The following PTPRD variants were observed in gnomAD, a reference collection of about 807,000 sequenced individuals.
The protein encoded by PTPRD is receptor-type tyrosine-protein phosphatase delta.
A neutral mutation model predicts 214.5 loss-of-function variants in PTPRD; 34 were observed. That is an observed-to-expected ratio of 0.16 (90% CI 0.12 to 0.21). The LOEUF (loss-of-function observed/expected upper bound fraction) is 0.21. PTPRD is among the 10% of genes least tolerant of loss of function. PTPRD has a pLI of 1.00. For synonymous variants in PTPRD, 1,128 were observed against 845.7 expected (o/e 1.33, Z -5.79); for missense variants, 2,545 against 2,398.7 (o/e 1.06, Z -1.27).
At chr9:8,883,298 G>C (rs989705000) in intron 11 of PTPRD, among the ~76,000 whole-genome samples, 1 of 152,192 alleles carries the variant, frequency 6.6e-6, no homozygotes, top group South Asian at 2.1e-4. Flanking sequence ...GAAAGCTATA[G>C]AATATTTTCA....
intron 7 of PTPRD, among the ~76,000 whole-genome samples, chr9:9,627,103 C>G (rs768055683): frequency 6.6e-6 from 1 of 152,152 alleles, no homozygotes; most frequent in Non-Finnish European, 1.5e-5. Flanking sequence ...CACTTGAGGT[C>G]AGGAGTTCGA....
At chr9:8,516,459 T>C (rs145969904) in intron 21 of PTPRD, among the ~76,000 whole-genome samples, 14 of 152,276 alleles carry the variant, frequency 9.2e-5, no homozygotes, top group African/African-American at 3.4e-4. Flanking sequence ...ACTATTAATA[T>C]AAATGTGCTC....
At position 9,964,638 on chromosome 9, in the gene PTPRD, A is replaced by G. The variant is rs116067835; in HGVS notation, c.-471-26028T>C. On this transcript the variant is annotated intron_variant, in intron 4 of 45. Transcript: ENST00000381196. ...AGGTTTGATTTTCTTTTTAGTTTATAAAGTTTTTAAAAAATGTTTAGTTTA... is the reference window on the plus strand; with the variant it reads ...AGGTTTGATTTTCTTTTTAGTTTATGAAGTTTTTAAAAAATGTTTAGTTTA... 8.4e-3 allele frequency among the ~76,000 whole-genome samples: 1,283 copies of G among 152,324 alleles called. 13 individuals carry two copies. Among genetic ancestry groups the G allele is most frequent in the African/African-American group, 0.029 (1,190 of 41,572 alleles).
At chr9:10,410,138 T>A (rs1218087650) in intron 2 of PTPRD, among the ~76,000 whole-genome samples, 1 of 150,978 alleles carries the variant, frequency 6.6e-6, no homozygotes, top group African/African-American at 2.4e-5. Context: ...GATTCTGTTT[T>A]CTCTTTATTC....
chr9:8,559,088 C>T lies in PTPRD; in HGVS notation c.353-30309G>A, dbSNP rs2085134761. On this transcript the variant is annotated intron_variant, in intron 14 of 45. Transcript: ENST00000381196. The stretch of plus-strand genomic sequence containing the variant: ...TCTTTTATGCCAAATTGTTTTTATT[C>T]TGACTGAGATGACATAATATTTTAA... Among the ~76,000 whole-genome samples, 3 of 152,124 alleles carry T rather than the reference C, an allele frequency of 2.0e-5. No homozygotes were observed. In the South Asian group the frequency reaches 6.2e-4, roughly 32 times the overall value.
chr9:9,075,806 T>G (rs1177882216), intron 10 of PTPRD, among the ~76,000 whole-genome samples: 2 of 152,114 alleles, frequency 1.3e-5, no homozygotes, highest in African/African-American at 4.8e-5. Context: ...AATTCAGTCT[T>G]TCATTGATGG....
At chr9:9,609,610 A>T (rs1371249699) in intron 7 of PTPRD, among the ~76,000 whole-genome samples, 1 of 152,018 alleles carries the variant, frequency 6.6e-6, no homozygotes, top group Non-Finnish European at 1.5e-5. Flanking sequence ...TTACAGATGT[A>T]CGCCACCACA....
intron 5 of PTPRD, among the ~76,000 whole-genome samples, chr9:9,865,300 G>A (rs1482600147): frequency 2.6e-5 from 4 of 152,142 alleles, no homozygotes; most frequent in Non-Finnish European, 4.4e-5. Flanking sequence ...ATTGAGAGGC[G>A]GAGGCTTTAA....
chr9:10,141,155 CA>C (rs746364755), intron 3 of PTPRD, among the ~76,000 whole-genome samples: 5 of 151,974 alleles, frequency 3.3e-5, no homozygotes, highest in East Asian at 1.9e-4. Context: ...ACTGAATGGG[CA>C]AAAAACTGGA....
intron 11 of PTPRD, among the ~76,000 whole-genome samples, chr9:8,909,750 T>A (rs556031996): frequency 6.8e-6 from 1 of 148,084 alleles, no homozygotes; most frequent in Non-Finnish European, 1.5e-5. Flanking sequence ...GTGGAAGACA[T>A]AGAGATAGAG....
intron 5 of PTPRD, among the ~76,000 whole-genome samples, chr9:9,907,559 T>C (rs1164725281): frequency 6.6e-6 from 1 of 152,018 alleles, no homozygotes; most frequent in African/African-American, 2.4e-5. Context: ...ATATCAGTCA[T>C]GTAGGATCAG....
At chr9:8,829,784 C>T (rs1228573098) in intron 11 of PTPRD, among the ~76,000 whole-genome samples, 1 of 152,188 alleles carries the variant, frequency 6.6e-6, no homozygotes, top group Non-Finnish European at 1.5e-5. Flanking sequence ...CAGTCTACCA[C>T]TAATAACCAT....
At chr9:10,378,265 G>A (rs1228565554) in intron 2 of PTPRD, among the ~76,000 whole-genome samples, 1 of 151,998 alleles carries the variant, frequency 6.6e-6, no homozygotes, top group African/African-American at 2.4e-5. Flanking sequence ...TCTGTGGGTT[G>A]TCTCTTTACT....
chr9:9,269,295 A>T (rs4461955), intron 9 of PTPRD, among the ~76,000 whole-genome samples: 62,843 of 151,040 alleles, frequency 0.42, 13,056 homozygotes, highest in East Asian at 0.48. Flanking sequence ...GCAAATCAAA[A>T]CCACAATAAG....
intron 11 of PTPRD, among the ~76,000 whole-genome samples, chr9:8,834,317 C>T (rs1469238214): frequency 6.6e-6 from 1 of 151,940 alleles, no homozygotes; most frequent in African/African-American, 2.4e-5. Context: ...TGAAAATTTT[C>T]ATATATCATA....
At chr9:10,207,794 A>T (rs1393201288) in intron 3 of PTPRD, among the ~76,000 whole-genome samples, 1 of 152,028 alleles carries the variant, frequency 6.6e-6, no homozygotes, top group African/African-American at 2.4e-5. Context: ...GTCAAAAAAA[A>T]TCCTGGAAGT....
chr9:10,251,057 G>C (rs2092714945), intron 3 of PTPRD, among the ~76,000 whole-genome samples: 1 of 152,024 alleles, frequency 6.6e-6, no homozygotes, highest in Non-Finnish European at 1.5e-5. Flanking sequence ...CTACATAGGG[G>C]TCTTTGAACA....
At chr9:9,773,794 T>C (rs1189184433) in intron 5 of PTPRD, among the ~76,000 whole-genome samples, 1 of 152,178 alleles carries the variant, frequency 6.6e-6, no homozygotes, top group African/African-American at 2.4e-5. Context: ...TTTTATAAAC[T>C]GTGAAGACAG....
At chr9:9,377,473 G>A (rs557234780) in intron 9 of PTPRD, among the ~76,000 whole-genome samples, 1 of 152,100 alleles carries the variant, frequency 6.6e-6, no homozygotes, top group South Asian at 2.1e-4. Flanking sequence ...TATGTGCTAA[G>A]TCCTTTATAT....
Sources: allele counts gnomAD v4.1 joint callset (sites outside exome capture counted in the v4.1 genomes callset), GRCh38; gene constraint gnomAD v4.1.1; transcripts MANE v1.5; gene names NCBI Gene and HGNC (gene_info 2026-07-23, HGNC 2026-07-21).